Variants in SOBP observed in about 807,000 individuals in gnomAD.
SOBP encodes the protein sine oculis binding protein homolog.
A neutral mutation model predicts 53.6 loss-of-function variants in SOBP; 4 were observed. The observed-to-expected ratio is 0.07, with a 90% confidence interval of 0.04 to 0.17. SOBP has a LOEUF of 0.17. Among genes scored for constraint, SOBP ranks in the 10% least tolerant of loss-of-function variants. The pLI, the probability that SOBP is intolerant of heterozygous loss-of-function variation, is 1.00. For missense variants in SOBP, 1,088 were observed against 1,204.7 expected (o/e 0.90, Z 1.43); for synonymous variants, 584 against 522.6 (o/e 1.12, Z -1.60).
At chr6:107,627,305 G>C (rs1200271650) in intron 5 of SOBP, among the ~76,000 whole-genome samples, 1 of 152,164 alleles carries the variant, frequency 6.6e-6, no homozygotes, top group Non-Finnish European at 1.5e-5. Context: ...TGTAGAATCA[G>C]AGACTTGGGT....
chr6:107,504,389 A>G (rs1782924909), intron 2 of SOBP, among the ~76,000 whole-genome samples: 1 of 152,242 alleles, frequency 6.6e-6, no homozygotes, highest in Non-Finnish European at 1.5e-5. Flanking sequence ...ATCAAAGCCC[A>G]GCTAAAGAGT....
chr6:107,607,672 G>A (rs1786435611), intron 5 of SOBP, among the ~76,000 whole-genome samples: 1 of 152,194 alleles, frequency 6.6e-6, no homozygotes, highest in Non-Finnish European at 1.5e-5. Context: ...TTGTGTGCAT[G>A]TGAGGAGTAT....
rs199851429 is a variant in SOBP, at chr6:107,656,325, AAGAAAGAAAGAAAGAAAG to A, written c.*4-1862_*4-1845del. 2.3e-3 allele frequency among the ~76,000 whole-genome samples: 29 copies of A among 12,592 alleles called. 1 individual carries two copies. Among genetic ancestry groups the A allele is most frequent in the Middle Eastern group, 0.033 (1 of 30 alleles). The allele number at this position is 12,592 out of a possible 152,430, so 8.3% of individuals were successfully genotyped here. A position where few individuals can be genotyped will look rare whatever the true frequency, so the allele number is the denominator to read the frequency against. On this transcript the variant is annotated intron_variant, in intron 6 of 6. Coordinates refer to ENST00000317357, the MANE Select transcript of SOBP (RefSeq NM_018013.4). ...AAAGAAAGAAAGAAAGAAAGAAAGA[AAGAAAGAAAGAAAGAAAG>A]AGAAAGAAAGAAAGAAAGAAAGAAA... is the stretch of plus-strand genomic sequence containing the variant.
intron 6 of SOBP, among the ~76,000 whole-genome samples, chr6:107,645,428 A>G (rs755378418): frequency 1.5e-4 from 23 of 151,732 alleles, no homozygotes; most frequent in Non-Finnish European, 2.5e-4. Flanking sequence ...TGTTATTAAA[A>G]GATGAGAGAG....
At chr6:107,645,106 C>G (rs1373675451) in intron 6 of SOBP, among the ~76,000 whole-genome samples, 1 of 152,204 alleles carries the variant, frequency 6.6e-6, no homozygotes, top group East Asian at 1.9e-4. Context: ...GCACTTCTCA[C>G]TGTCCGATCA....
intron 5 of SOBP, among the ~76,000 whole-genome samples, chr6:107,629,876 G>A (rs1050136644): frequency 2.0e-5 from 3 of 152,218 alleles, no homozygotes; most frequent in African/African-American, 7.2e-5. Context: ...TAATCTTTTT[G>A]AGGACTGCTG....
chr6:107,545,508 A>G (rs1298068267), intron 4 of SOBP, among the ~76,000 whole-genome samples: 1 of 152,192 alleles, frequency 6.6e-6, no homozygotes. Flanking sequence ...TCAGCCTCGC[A>G]TGTAATTTTA....
chr6:107,530,927 A>G (rs1783804820), intron 3 of SOBP, among the ~76,000 whole-genome samples: 1 of 152,232 alleles, frequency 6.6e-6, no homozygotes, highest in Non-Finnish European at 1.5e-5. Context: ...GGTCCTTTGT[A>G]AGAAAGTATT....
intron 5 of SOBP, among the ~76,000 whole-genome samples, chr6:107,591,748 T>C (rs892916197): frequency 1.3e-5 from 2 of 152,188 alleles, no homozygotes; most frequent in Admixed American, 6.5e-5. Flanking sequence ...CTAGCACTTC[T>C]GTGGATTAAA....
At chr6:107,540,602 A>G (rs374697419) in intron 4 of SOBP, among the ~76,000 whole-genome samples, 1 of 152,230 alleles carries the variant, frequency 6.6e-6, no homozygotes, top group South Asian at 2.1e-4. Flanking sequence ...GGGCTCTGCT[A>G]CAAGCTCTGT....
At chr6:107,494,750 AT>A (rs1261782833) in intron 1 of SOBP, among the ~76,000 whole-genome samples, 2 of 152,248 alleles carry the variant, frequency 1.3e-5, no homozygotes, top group Non-Finnish European at 2.9e-5. Context: ...TCAGTAAGTA[AT>A]TTGTACCTAA....
intron 4 of SOBP, among the ~76,000 whole-genome samples, chr6:107,574,743 A>G (rs992109980): frequency 6.6e-6 from 1 of 152,008 alleles, no homozygotes; most frequent in Non-Finnish European, 1.5e-5. Context: ...TGGAGAGTCC[A>G]CCCTGCCAAT....
intron 5 of SOBP, among the ~76,000 whole-genome samples, chr6:107,606,851 C>T (rs1786403492): frequency 6.6e-6 from 1 of 152,198 alleles, no homozygotes; most frequent in Non-Finnish European, 1.5e-5. Context: ...TCCCAGCCTG[C>T]ACCCCATGAC....
chr6:107,532,241 T>TCTCTCTCACA (rs373567492), intron 3 of SOBP, among the ~76,000 whole-genome samples: 1 of 139,648 alleles, frequency 7.2e-6, no homozygotes. Context: ...TCTCTCTCTC[T>TCTCTCTCACA]CACACACACA....
intron 4 of SOBP, among the ~76,000 whole-genome samples, chr6:107,567,893 G>T (rs1381690459): frequency 6.6e-6 from 1 of 152,152 alleles, no homozygotes; most frequent in Admixed American, 6.5e-5. Flanking sequence ...TCTGAGAGTA[G>T]CCCAGAGAAT....
At chr6:107,589,950 T>C (rs1311743130) in intron 5 of SOBP, among the ~76,000 whole-genome samples, 2 of 152,236 alleles carry the variant, frequency 1.3e-5, no homozygotes, top group East Asian at 3.8e-4. Flanking sequence ...TCTATCATGT[T>C]AACAGTGTAG....
intron 1 of SOBP, among the ~76,000 whole-genome samples, chr6:107,491,047 C>T (rs1782567586): frequency 6.6e-6 from 1 of 152,102 alleles, no homozygotes; most frequent in Non-Finnish European, 1.5e-5. Context: ...GGTGCAGTTT[C>T]TCCCCCCTTT....
chr6:107,595,038 G>A (rs566467564), intron 5 of SOBP, among the ~76,000 whole-genome samples: 1 of 152,292 alleles, frequency 6.6e-6, no homozygotes, highest in South Asian at 2.1e-4. Context: ...GTGGAATGAA[G>A]GGATTAAGAA....
intron 3 of SOBP, among the ~76,000 whole-genome samples, chr6:107,531,796 G>C (rs1783831345): frequency 1.3e-5 from 2 of 151,992 alleles, no homozygotes; most frequent in Admixed American, 1.3e-4. Context: ...TATCTCACTT[G>C]ATAACAATAG....
Sources: gnomAD v4.1 joint callset for allele counts (sites outside exome capture counted in the v4.1 genomes callset) on GRCh38, gnomAD v4.1.1 for gene constraint, MANE v1.5 for transcripts, NCBI Gene and HGNC (gene_info 2026-07-23, HGNC 2026-07-21) for gene names.